The following P4HA2 variants were observed in gnomAD, a reference collection of about 807,000 sequenced individuals.
The protein encoded by P4HA2 is prolyl 4-hydroxylase subunit alpha-2.
P4HA2 carries 46 observed loss-of-function variants against 76.9 expected under a neutral mutation model. The observed-to-expected ratio is 0.60, with a 90% CI of 0.47 to 0.76. P4HA2 has a LOEUF of 0.76. P4HA2 is among the 30% of genes least tolerant of loss of function. The probability of loss-of-function intolerance (pLI) is 0.00; values close to 1 mark genes in which losing one functional copy is unlikely to be tolerated. For missense variants in P4HA2, 583 were observed against 669.4 expected (o/e 0.87, Z 1.42); for synonymous variants, 243 against 254.0 (o/e 0.96, Z 0.41).
intron 10 of P4HA2, chr5:132,202,258 T>C (rs1327106004): frequency 6.6e-6 from 1 of 152,304 alleles, no homozygotes; most frequent in East Asian, 1.9e-4. Flanking sequence ...AGGTAATCAG[T>C]ATGCTTTTTA....
In P4HA2 at chr5:132,210,408, C is replaced by G; in HGVS notation, c.585G>C (p.Gln195His). ...TVLWMEQVLKQLDAGEEATTT... is the reference protein window; with the variant it reads ...TVLWMEQVLKHLDAGEEATTT... The stretch of plus-strand genomic sequence containing the variant: ...TGGTGGCCTCCTCCCCGGCATCAAG[C>G]TGCTTTAGCACCTGCTCCATCCACA... The change falls in exon 6 of 15, where the codon CAG (glutamine) becomes CAC (histidine). Residue 195 changes from glutamine to histidine, a missense_variant. Gln to His is a conservative substitution (Grantham distance 24, BLOSUM62 0). Coordinates refer to ENST00000360568, the MANE Select transcript of P4HA2 (RefSeq NM_001017974.2). 3 of 1,614,158 alleles carry G rather than the reference C, an allele frequency of 1.9e-6. No homozygotes were observed. Among genetic ancestry groups the G allele is most frequent in the Non-Finnish European group, 2.5e-6 (3 of 1,180,028 alleles).
rs1288654280 is a variant in P4HA2 at position 132,204,145 on chromosome 5, C to A, written c.1088G>T (p.Arg363Leu). The change falls in exon 9 of 15, where the codon CGA becomes CTA. Residue 363 changes from arginine to leucine, a missense_variant. Transcript: ENST00000360568. ...TGTCTTGGGATCACGAACGGTGGCT[C>A]GTGCAAGCTAGAAGGAAGGAGGAGA... is the stretch of plus-strand genomic sequence containing the variant. ...IKEIAKPKLA[R>L]ATVRDPKTGV... 2 of 1,612,690 alleles carry A rather than the reference C, an allele frequency of 1.2e-6. No individual in the cohort carries two copies. The highest frequency in any genetic ancestry group is 1.7e-6 in the Non-Finnish European group (2 of 1,178,810).
Position 132,203,830 on chromosome 5 carries a change from T to C in P4HA2, c.1169A>G (p.Asp390Gly), listed in dbSNP as rs765426315. ...TACTCGGGCCACAACAGGGTCATCATCTTCCTCTAGCCAGGAGCTGGGCAA... is the reference window on the plus strand; with the variant it reads ...TACTCGGGCCACAACAGGGTCATCACCTTCCTCTAGCCAGGAGCTGGGCAA... ...RVSKSSWLEEDDDPVVARVNR... is the reference protein window; with the variant it reads ...RVSKSSWLEEGDDPVVARVNR... The change falls in exon 10 of 15, where the codon GAT becomes GGT. Residue 390 changes from aspartate (D) to glycine (G), a missense_variant. Transcript: ENST00000360568. The C allele has an allele frequency of 1.2e-6, 2 of 1,613,548 alleles. No individual in the cohort carries two copies. Among genetic ancestry groups the C allele is most frequent in the South Asian group, 2.2e-5 (2 of 91,066 alleles).
chr5:132,198,513 T>G lies in P4HA2; in HGVS notation c.1306-133A>C. 3 of 847,218 alleles carry G rather than the reference T, an allele frequency of 3.5e-6. No individual in the cohort carries two copies. In the South Asian group the frequency reaches 4.6e-5, roughly 13 times the overall value. 52.5% of individuals were successfully genotyped at this position (847,218 alleles called of 1,614,324 possible). A position where few individuals can be genotyped will look rare whatever the true frequency, so the allele number is the denominator to read the frequency against. ...ATCAGCCTGGAATATGTGCCAAAGC[T>G]GCAAAGTAAATTCTGGCTAGGGCAT... is the stretch of plus-strand genomic sequence containing the variant. On this transcript the variant is annotated intron_variant, in intron 11 of 14. Coordinates refer to ENST00000360568, the MANE Select transcript of P4HA2 (RefSeq NM_001017974.2).
At chr5:132,203,564 C>A in intron 10 of P4HA2, 184 bp downstream of exon 10, 1 of 595,038 alleles carries the variant, frequency 1.7e-6, no homozygotes, top group East Asian at 2.8e-5. Flanking sequence ...TTGTTGAACA[C>A]TAATTGTTGA....
chr5:132,226,320 T>C (rs527431061), intron 1 of P4HA2, among the ~76,000 whole-genome samples: 52 of 152,140 alleles, frequency 3.4e-4, no homozygotes, highest in Non-Finnish European at 7.1e-4. Flanking sequence ...CAGCCCTTGC[T>C]CCTAGGACAG....
intron 10 of P4HA2, 59 bp downstream of exon 10, chr5:132,203,689 G>T: frequency 9.2e-7 from 1 of 1,081,714 alleles, no homozygotes; most frequent in South Asian, 1.3e-5. Flanking sequence ...CACCCTGTGA[G>T]ACCATCTAGC....
rs191151748 is a variant in P4HA2 at position 132,225,875 on chromosome 5, T to G, written c.-19+1915A>C. ...TCTGCCTGCTGAGCTCTCAGAGAACTAGGGTGATCCAGTATGACAGCATCT... is the reference window on the plus strand; with the variant it reads ...TCTGCCTGCTGAGCTCTCAGAGAACGAGGGTGATCCAGTATGACAGCATCT... On this transcript the variant is annotated intron_variant, in intron 1 of 14. Transcript: ENST00000360568. 5.9e-3 allele frequency among the ~76,000 whole-genome samples: 903 copies of G among 152,290 alleles called. 12 individuals carry two copies. The highest frequency in any genetic ancestry group is 0.039 in the South Asian group (188 of 4,830).
chr5:132,206,620 T>C (rs1752247088), intron 8 of P4HA2, among the ~76,000 whole-genome samples: 1 of 152,142 alleles, frequency 6.6e-6, no homozygotes, highest in African/African-American at 2.4e-5. Context: ...ACAAATCTTT[T>C]ATGAACTAGA....
chr5:132,212,172 T>C (rs1341647161), intron 5 of P4HA2, among the ~76,000 whole-genome samples: 1 of 152,022 alleles, frequency 6.6e-6, no homozygotes, highest in African/African-American at 2.4e-5. Flanking sequence ...CTGAGTACAA[T>C]GGGCAAGGAA....
At chr5:132,210,208 T>G (rs1262999512) in intron 6 of P4HA2, 76 bp downstream of exon 6, 11 of 1,527,462 alleles carry the variant, frequency 7.2e-6, no homozygotes, top group South Asian at 2.3e-5. Context: ...AGGAGAGGGG[T>G]CAGGCAGATG....
intron 1 of P4HA2, among the ~76,000 whole-genome samples, chr5:132,223,501 A>G (rs1462443272): frequency 7.9e-5 from 12 of 152,140 alleles, no homozygotes; most frequent in Admixed American, 7.9e-4. Flanking sequence ...ACCTCAGGCA[A>G]TCCATCCATC....
At position 132,191,770 on chromosome 5, in the gene P4HA2, G is replaced by A. The variant is rs1345161768; in HGVS notation, c.*1240C>T. On this transcript the variant is annotated 3_prime_UTR_variant, in exon 15 of 15. Coordinates refer to ENST00000360568, the MANE Select transcript of P4HA2 (RefSeq NM_001017974.2). ...AGATATATATCCTACAGAAATATGT[G>A]TTTATATGTGCACCAGGAATCATGT... 6.6e-6 allele frequency: 1 copy of A among 152,114 alleles called. No individual in the cohort carries two copies. The highest frequency in any genetic ancestry group is 1.5e-5 in the Non-Finnish European group (1 of 68,034). The allele number at this position is 152,114 out of a possible 1,614,324, so 9.4% of individuals were successfully genotyped here.
intron 12 of P4HA2, among the ~76,000 whole-genome samples, chr5:132,196,094 C>T (rs1025543151): frequency 1.3e-5 from 2 of 152,234 alleles, no homozygotes; most frequent in African/African-American, 4.8e-5. Flanking sequence ...CTCATGCCCA[C>T]AGAGCATGCC....
intron 1 of P4HA2, among the ~76,000 whole-genome samples, chr5:132,220,968 G>C (rs1419232894): frequency 6.6e-6 from 1 of 152,178 alleles, no homozygotes; most frequent in Non-Finnish European, 1.5e-5. Flanking sequence ...TGACATCTCT[G>C]GCAGGGGTAC....
chr5:132,219,950 A>G (rs1379663185), intron 1 of P4HA2, among the ~76,000 whole-genome samples: 1 of 152,186 alleles, frequency 6.6e-6, no homozygotes, highest in Non-Finnish European at 1.5e-5. Context: ...GAATGGCGCC[A>G]TGTGTTCATG....
At position 132,214,039 on chromosome 5, in the gene P4HA2, G is replaced by A; in HGVS notation, c.346C>T (p.Leu116Phe). 6.2e-7 allele frequency: 1 copy of A among 1,614,082 alleles called. No homozygotes were observed. Reference protein sequence around the residue: ...QDSAAGFIANLSVQRQFFPTD... With the variant: ...QDSAAGFIANFSVQRQFFPTD... ...GGGAAGAACTGCCGCTGCACAGAGA[G>A]GTTGGCGATAAAACCTTCCAAATGA... The change falls in exon 5 of 15, where the codon CTC (leucine) becomes TTC (phenylalanine). Residue 116 changes from leucine (L) to phenylalanine (F), a missense_variant. Coordinates refer to ENST00000360568, the MANE Select transcript of P4HA2 (RefSeq NM_001017974.2).
rs537379412 is a variant in P4HA2 at position 132,191,062 on chromosome 5, C to T, written c.*1948G>A. Among the ~76,000 whole-genome samples, 2 of 152,288 alleles carry T rather than the reference C, an allele frequency of 1.3e-5. No homozygotes were observed. The highest frequency in any genetic ancestry group is 1.9e-4 in the East Asian group (1 of 5,180). On this transcript the variant is annotated 3_prime_UTR_variant, in exon 15 of 15. Coordinates refer to ENST00000360568, the MANE Select transcript of P4HA2 (RefSeq NM_001017974.2). The stretch of plus-strand genomic sequence containing the variant: ...AGTAGGTTTGTTTCTGGTAAGGGCC[C>T]CCTGGTTCATAGACAGGCATCTTCT...
Position 132,193,292 on chromosome 5 carries a change from A to G in P4HA2, c.1532-212T>C, listed in dbSNP as rs947855405. ...AAATTCTGCCAGTGGGACAAGATAC[A>G]TGTGTGCAGGTTGCCATGGGAATAG... On this transcript the variant is annotated intron_variant, in intron 14 of 14. Transcript: ENST00000360568. The G allele has an allele frequency of 1.1e-5, 5 of 464,628 alleles. No homozygotes were observed. In the Admixed American group the frequency reaches 1.8e-4, roughly 16 times the overall value. 28.8% of individuals were successfully genotyped at this position (464,628 alleles called of 1,614,324 possible).
Sources: gnomAD v4.1 joint callset for allele counts (sites outside exome capture counted in the v4.1 genomes callset) on GRCh38, gnomAD v4.1.1 for gene constraint, MANE v1.5 for transcripts, NCBI Gene and HGNC (gene_info 2026-07-23, HGNC 2026-07-21) for gene names.